PTPRD: variants seen among roughly 807,000 people sequenced by gnomAD.
PTPRD encodes the protein receptor-type tyrosine-protein phosphatase delta.
Under a neutral mutation model 214.5 loss-of-function variants are expected in PTPRD, and 34 were observed. The ratio of observed to expected loss-of-function variants is 0.16; its 90% CI spans 0.12 to 0.21. The LOEUF (loss-of-function observed/expected upper bound fraction) is 0.21, where lower values mean the gene tolerates loss of function less well. Among genes scored for constraint, PTPRD ranks in the 10% least tolerant of loss-of-function variants. The pLI is 1.00. For synonymous variants in PTPRD, 1,128 were observed against 845.7 expected (o/e 1.33, Z -5.79); for missense variants, 2,545 against 2,398.7 (o/e 1.06, Z -1.27).
At chr9:9,087,344 T>C (rs2099768562) in intron 10 of PTPRD, among the ~76,000 whole-genome samples, 2 of 152,096 alleles carry the variant, frequency 1.3e-5, no homozygotes, top group East Asian at 1.9e-4. Context: ...AATAATAAAA[T>C]TATAATTATA....
chr9:8,353,908 G>GTGTATATA (rs1326408943), intron 39 of PTPRD, among the ~76,000 whole-genome samples: 3 of 121,604 alleles, frequency 2.5e-5, no homozygotes, highest in African/African-American at 1.2e-4. Flanking sequence ...ATGTATATAT[G>GTGTATATA]TGTATATATG....
intron 3 of PTPRD, among the ~76,000 whole-genome samples, chr9:10,035,973 T>A (rs1256797929): frequency 6.6e-6 from 1 of 152,104 alleles, no homozygotes; most frequent in Non-Finnish European, 1.5e-5. Flanking sequence ...GGTGAGTGTC[T>A]AAATCATGGG....
intron 39 of PTPRD, among the ~76,000 whole-genome samples, chr9:8,358,723 T>C (rs1367789572): frequency 6.6e-6 from 1 of 152,134 alleles, no homozygotes; most frequent in African/African-American, 2.4e-5. Flanking sequence ...ATATGCAACC[T>C]TCCTATTCTT....
At chr9:9,598,150 C>T (rs2093495942) in intron 7 of PTPRD, among the ~76,000 whole-genome samples, 1 of 151,916 alleles carries the variant, frequency 6.6e-6, no homozygotes, top group African/African-American at 2.4e-5. Flanking sequence ...GACTAGAGGC[C>T]TCAATTCCAC....
intron 35 of PTPRD, among the ~76,000 whole-genome samples, chr9:8,407,476 T>G (rs1464025406): frequency 6.6e-6 from 1 of 152,164 alleles, no homozygotes; most frequent in Non-Finnish European, 1.5e-5. Flanking sequence ...GTCTGTGTGA[T>G]TCCAAAGCTC....
intron 2 of PTPRD, among the ~76,000 whole-genome samples, chr9:10,389,915 G>C (rs1247227012): frequency 6.6e-6 from 1 of 151,762 alleles, no homozygotes; most frequent in Non-Finnish European, 1.5e-5. Flanking sequence ...TACCATTGCT[G>C]ACAAGGGATA....
chr9:8,907,897 A>G (rs79204618), intron 11 of PTPRD, among the ~76,000 whole-genome samples: 2,767 of 152,250 alleles, frequency 0.018, 88 homozygotes, highest in African/African-American at 0.063. Context: ...TGAAGAAGTA[A>G]TAGCTGAAAC....
intron 2 of PTPRD, among the ~76,000 whole-genome samples, chr9:10,375,967 T>C (rs929519743): frequency 3.9e-5 from 6 of 151,982 alleles, no homozygotes; most frequent in African/African-American, 1.2e-4. Flanking sequence ...CTAGGATTTC[T>C]TCATTAACAT....
chr9:10,216,174 T>C (rs1380686606), intron 3 of PTPRD, among the ~76,000 whole-genome samples: 1 of 152,034 alleles, frequency 6.6e-6, no homozygotes, highest in African/African-American at 2.4e-5. Context: ...TATTTTAACA[T>C]ACTGCATTAA....
At chr9:9,076,449 T>C (rs1011880631) in intron 10 of PTPRD, among the ~76,000 whole-genome samples, 3 of 151,968 alleles carry the variant, frequency 2.0e-5, no homozygotes, top group Admixed American at 6.6e-5. Context: ...CTCCCCTGTC[T>C]AGTACTCCTC....
At chr9:9,850,903 T>G (rs1277906370) in intron 5 of PTPRD, among the ~76,000 whole-genome samples, 2 of 152,168 alleles carry the variant, frequency 1.3e-5, no homozygotes, top group Admixed American at 6.6e-5. Flanking sequence ...TTTTCTTGAC[T>G]AAGGAGAGAT....
At chr9:9,847,829 T>A (rs573751283) in intron 5 of PTPRD, among the ~76,000 whole-genome samples, 1 of 152,052 alleles carries the variant, frequency 6.6e-6, no homozygotes, top group Non-Finnish European at 1.5e-5. Context: ...GGCTGGGAAA[T>A]GAAAGTGCTT....
intron 11 of PTPRD, among the ~76,000 whole-genome samples, chr9:9,004,449 C>T (rs777515135): frequency 7.2e-5 from 11 of 151,742 alleles, no homozygotes; most frequent in Non-Finnish European, 1.3e-4. Flanking sequence ...CTCTGGAATT[C>T]GAAAATTTTG....
intron 2 of PTPRD, among the ~76,000 whole-genome samples, chr9:10,346,232 C>G (rs1024572238): frequency 3.9e-5 from 6 of 152,122 alleles, no homozygotes; most frequent in Non-Finnish European, 7.4e-5. Context: ...CTCTTAATGT[C>G]ATCCAAAACA....
intron 3 of PTPRD, among the ~76,000 whole-genome samples, chr9:10,213,560 T>C (rs2099526785): frequency 6.6e-6 from 1 of 152,146 alleles, no homozygotes; most frequent in Non-Finnish European, 1.5e-5. Context: ...AGATATAGTA[T>C]TTCATTACGT....
At chr9:9,726,113 A>G (rs1305699498) in intron 7 of PTPRD, among the ~76,000 whole-genome samples, 1 of 152,200 alleles carries the variant, frequency 6.6e-6, no homozygotes, top group Non-Finnish European at 1.5e-5. Context: ...CATCTATTAA[A>G]CAGAACATTG....
At chr9:8,916,685 TCA>T (rs1229401391) in intron 11 of PTPRD, among the ~76,000 whole-genome samples, 14 of 152,176 alleles carry the variant, frequency 9.2e-5, no homozygotes, top group African/African-American at 3.4e-4. Context: ...GCAAGGTAGC[TCA>T]CATAGTGCTC....
Position 9,000,690 on chromosome 9 carries a change from A to T in PTPRD, c.-104+18007T>A, listed in dbSNP as rs531399013. On this transcript the variant is annotated intron_variant, in intron 11 of 45. Transcript: ENST00000381196. ...ATGAATTCTACCTTAGATGGCTATT[A>T]TGCACATCTGACTGCTAAAAAACAG... is the stretch of plus-strand genomic sequence containing the variant. 9.9e-5 allele frequency among the ~76,000 whole-genome samples: 15 copies of T among 152,104 alleles called. No homozygotes were observed. In the South Asian group the frequency reaches 2.9e-3, roughly 29 times the overall value.
intron 11 of PTPRD, among the ~76,000 whole-genome samples, chr9:8,846,757 G>T (rs980015988): frequency 6.6e-6 from 1 of 152,148 alleles, no homozygotes; most frequent in Non-Finnish European, 1.5e-5. Context: ...AAGAGAAAAT[G>T]AATATGAGTA....
Sources: allele counts gnomAD v4.1 joint callset (sites outside exome capture counted in the v4.1 genomes callset), GRCh38; gene constraint gnomAD v4.1.1; transcripts MANE v1.5; gene names NCBI Gene and HGNC (gene_info 2026-07-23, HGNC 2026-07-21).